C12orf42: variants seen among roughly 807,000 people sequenced by gnomAD.
C12orf42 encodes the protein chromosome 12 open reading frame 42.
Under a neutral mutation model 21.6 loss-of-function variants are expected in C12orf42, and 25 were observed. The observed-to-expected ratio is 1.16, with a 90% CI of 0.84 to 1.62. The LOEUF is 1.62. Among genes scored for constraint, C12orf42 ranks in the 40% most tolerant of loss-of-function variants. The probability of loss-of-function intolerance (pLI) is 0.00; values close to 1 mark genes in which losing one functional copy is unlikely to be tolerated. For synonymous variants in C12orf42, 174 were observed against 175.0 expected, an observed-to-expected ratio of 0.99 and a Z score of 0.05; for missense variants, 483 against 459.3, an observed-to-expected ratio of 1.05 and a Z score of -0.47.
chr12:103,302,656 T>C (rs2037829932), intron 5 of C12orf42, 97 bp from the exon 6 acceptor site: 4 of 1,018,660 alleles, frequency 3.9e-6, no homozygotes, highest in Non-Finnish European at 5.7e-6. Flanking sequence ...GAAATCAACA[T>C]TTGTAATGTG....
chr12:103,479,209 A>C (rs1402857250), intron 1 of C12orf42, among the ~76,000 whole-genome samples: 1 of 152,156 alleles, frequency 6.6e-6, no homozygotes, highest in African/African-American at 2.4e-5. Context: ...CAGAATAGAA[A>C]GACCTAATCT....
In C12orf42 at chr12:103,434,032, GGTTTT is replaced by G. The variant is rs144056855; in HGVS notation, c.79-32362_79-32358del. The stretch of plus-strand genomic sequence containing the variant: ...CCTGAATGCTCTACCAAACATGGCA[GGTTTT>G]GTTTTATTTTTTTAAAATGAAGACA... On this transcript the variant is annotated intron_variant, in intron 2 of 5. Transcript: ENST00000548883. 9.0e-3 allele frequency among the ~76,000 whole-genome samples: 1,364 copies of G among 152,250 alleles called. 17 individuals carry two copies. Among genetic ancestry groups the G allele is most frequent in the African/African-American group, 0.031 (1,282 of 41,556 alleles).
intron 4 of C12orf42, among the ~76,000 whole-genome samples, chr12:103,361,967 G>GC (rs1383814162): frequency 1.3e-5 from 2 of 152,076 alleles, no homozygotes; most frequent in South Asian, 2.1e-4. Context: ...GAGTTCTAGA[G>GC]CCCCCACCTA....
At chr12:103,110,374 T>C in the C12orf42 span, among the ~76,000 whole-genome samples, 94 of 152,326 alleles carry the variant, frequency 6.2e-4, no homozygotes, top group African/African-American at 2.1e-3. Flanking sequence ...TGGTAACATA[T>C]GTATGCAGTA....
At chr12:103,213,104 T>TA in the C12orf42 span, among the ~76,000 whole-genome samples, 3 of 151,966 alleles carry the variant, frequency 2.0e-5, no homozygotes, top group South Asian at 2.1e-4. Context: ...ATGCTGGAAT[T>TA]AAAAAAAATA....
chr12:103,554,901 C>G, the C12orf42 span, among the ~76,000 whole-genome samples: 1 of 152,114 alleles, frequency 6.6e-6, no homozygotes, highest in Non-Finnish European at 1.5e-5. Flanking sequence ...TGGGTGGGGA[C>G]ACAGAGCCAA....
At chr12:103,349,120 G>A (rs1162214036) in intron 4 of C12orf42, 3 of 152,200 alleles carry the variant, frequency 2.0e-5, no homozygotes, top group Admixed American at 2.0e-4. Context: ...AAGTCTGTGA[G>A]ATCTGAGGGG....
intron 4 of C12orf42, among the ~76,000 whole-genome samples, chr12:103,310,800 A>ATT (rs1379494255): frequency 6.6e-6 from 1 of 152,230 alleles, no homozygotes; most frequent in African/African-American, 2.4e-5. Context: ...GTCTACCAGA[A>ATT]TTTGAAACAG....
the C12orf42 span, among the ~76,000 whole-genome samples, chr12:103,184,713 C>A: frequency 2.6e-4 from 3 of 11,380 alleles, no homozygotes; most frequent in East Asian, 7.7e-3. Flanking sequence ...GAATTGTCAC[C>A]CCCCCCCCCC....
the C12orf42 span, chr12:103,559,537 T>A: frequency 6.6e-6 from 1 of 152,222 alleles, no homozygotes; most frequent in Non-Finnish European, 1.5e-5. Context: ...TCAGGGACCC[T>A]GACACAGCAC....
chr12:103,397,594 T>C (rs1195297956), intron 3 of C12orf42: 1 of 152,244 alleles, frequency 6.6e-6, no homozygotes, highest in African/African-American at 2.4e-5. Context: ...CCTCCTTGTC[T>C]GTGGAAAAAT....
At chr12:103,413,798 A>G (rs1198907107) in intron 2 of C12orf42, among the ~76,000 whole-genome samples, 1 of 152,166 alleles carries the variant, frequency 6.6e-6, no homozygotes, top group East Asian at 1.9e-4. Flanking sequence ...AGGTTGCTGC[A>G]AATGCCATTA....
At chr12:103,108,656 T>C in the C12orf42 span, among the ~76,000 whole-genome samples, 4 of 152,128 alleles carry the variant, frequency 2.6e-5, no homozygotes, top group Non-Finnish European at 4.4e-5. Flanking sequence ...ACATAAGTAT[T>C]GATAGAAGCA....
chr12:103,321,987 C>T lies in C12orf42; in HGVS notation c.260-15642G>A, dbSNP rs192363705. ...ATATGTAACTAACCTGCACAATGTG[C>T]ACATGTACCCTAAAACTTAAAGTAT... On this transcript the variant is annotated intron_variant, in intron 4 of 5. Transcript: ENST00000548883. 9.8e-4 allele frequency among the ~76,000 whole-genome samples: 149 copies of T among 151,938 alleles called. No homozygotes were observed. The East Asian group carries it at 0.024, about 24-fold the overall frequency.
intron 2 of C12orf42, among the ~76,000 whole-genome samples, chr12:103,461,687 T>C (rs1952712704): frequency 6.6e-6 from 1 of 152,220 alleles, no homozygotes; most frequent in Non-Finnish European, 1.5e-5. Context: ...ATAAGTCACC[T>C]AACTTCTCTG....
intron 2 of C12orf42, among the ~76,000 whole-genome samples, chr12:103,446,287 TAC>T (rs1367529159): frequency 1.3e-5 from 2 of 151,952 alleles, no homozygotes; most frequent in Non-Finnish European, 1.5e-5. Context: ...GAAAAAAAGA[TAC>T]AGTCTTCCAG....
intron 2 of C12orf42, among the ~76,000 whole-genome samples, chr12:103,409,790 TTCAG>T (rs2048696950): frequency 6.6e-6 from 1 of 152,170 alleles, no homozygotes; most frequent in Non-Finnish European, 1.5e-5. Context: ...AAATAATGTA[TTCAG>T]TATTTTCATC....
chr12:103,278,154 GA>G (rs2035887491), intron 4 of C12orf42, among the ~76,000 whole-genome samples: 1 of 152,024 alleles, frequency 6.6e-6, no homozygotes, highest in African/African-American at 2.4e-5. Flanking sequence ...GAAAACCTTA[GA>G]AAAAGGGTAC....
the C12orf42 span, among the ~76,000 whole-genome samples, chr12:103,180,273 C>G: frequency 1.3e-4 from 20 of 151,712 alleles, no homozygotes; most frequent in Admixed American, 9.8e-4. Flanking sequence ...AATTTCATGG[C>G]GAGGAGGGGA....
Sources: gnomAD v4.1 joint callset for allele counts (sites outside exome capture counted in the v4.1 genomes callset) on GRCh38, gnomAD v4.1.1 for gene constraint, MANE v1.5 for transcripts, NCBI Gene and HGNC (gene_info 2026-07-23, HGNC 2026-07-21) for gene names.